STXBP5L: variants seen among roughly 807,000 people sequenced by gnomAD.
STXBP5L encodes syntaxin-binding protein 5-like.
STXBP5L carries 65 observed loss-of-function variants against 144.5 expected under a neutral mutation model. The ratio of observed to expected loss-of-function variants is 0.45; its 90% confidence interval spans 0.37 to 0.55. The LOEUF (loss-of-function observed/expected upper bound fraction) is 0.55. STXBP5L is among the 20% of genes least tolerant of loss of function. The pLI is 0.00. For synonymous variants in STXBP5L, 505 were observed against 469.6 expected (o/e 1.08, Z -0.97); for missense variants, 1,298 against 1,405.5 (o/e 0.92, Z 1.22).
intron 6 of STXBP5L, among the ~76,000 whole-genome samples, chr3:121,119,085 C>T (rs1378531782): frequency 6.6e-6 from 1 of 151,382 alleles, no homozygotes; most frequent in Non-Finnish European, 1.5e-5. Flanking sequence ...AGCCATTGAA[C>T]TAATTATGAC....
At chr3:120,942,352 A>G (rs1710609521) in intron 2 of STXBP5L, among the ~76,000 whole-genome samples, 1 of 151,642 alleles carries the variant, frequency 6.6e-6, no homozygotes, top group Non-Finnish European at 1.5e-5. Flanking sequence ...TAATTTCTGT[A>G]GTATTCAATA....
Position 121,238,958 on chromosome 3 carries a change from C to G in STXBP5L, c.1185-13C>G, listed in dbSNP as rs144975344. ...TTGTAAAATAACACTGATATATTGT[C>G]TTTATCTATTAGTTTTCCAATCTTT... On this transcript the variant is annotated splice_polypyrimidine_tract_variant and intron_variant, in intron 12 of 26. Transcript: ENST00000471454. The G allele has an allele frequency of 7.8e-4, 1,218 of 1,555,102 alleles. 14 individuals carry two copies. In the African/African-American group the frequency reaches 0.014, roughly 18 times the overall value.
At chr3:121,296,140 TA>T (rs2051640349) in intron 19 of STXBP5L, among the ~76,000 whole-genome samples, 2 of 152,206 alleles carry the variant, frequency 1.3e-5, no homozygotes, top group South Asian at 4.1e-4. Flanking sequence ...TGAATCACTG[TA>T]AAAACCTTCA....
chr3:121,211,987 T>C (rs1016712138), intron 10 of STXBP5L, among the ~76,000 whole-genome samples: 23 of 152,296 alleles, frequency 1.5e-4, no homozygotes, highest in Non-Finnish European at 2.5e-4. Context: ...CTTTTTTTCA[T>C]GTTTTTTGGC....
In STXBP5L at chr3:120,999,202, G is replaced by T. The variant is rs143319525; in HGVS notation, c.288-42498G>T. ...CGAGTAGCTGGGACTACAGGCATAT[G>T]CTACCACGTTCAGCTAATTTTTGTA... On this transcript the variant is annotated intron_variant, in intron 3 of 26. Coordinates refer to ENST00000471454, the MANE Select transcript of STXBP5L (RefSeq NM_001308330.2). Among the ~76,000 whole-genome samples, 570 of 152,120 alleles carry T rather than the reference G, an allele frequency of 3.7e-3. 7 individuals carry two copies. The highest frequency in any genetic ancestry group is 8.3e-3 in the African/African-American group (343 of 41,496).
chr3:121,180,983 G>A (rs565439604), intron 9 of STXBP5L, among the ~76,000 whole-genome samples: 2 of 151,460 alleles, frequency 1.3e-5, no homozygotes, highest in Admixed American at 6.6e-5. Context: ...AAGGGGAGGG[G>A]AGAAGGAAAG....
At chr3:121,298,568 T>A (rs1205739224) in intron 19 of STXBP5L, among the ~76,000 whole-genome samples, 1 of 152,154 alleles carries the variant, frequency 6.6e-6, no homozygotes, top group Non-Finnish European at 1.5e-5. Flanking sequence ...TACAATGGAA[T>A]ATTAGCCTTA....
intron 5 of STXBP5L, among the ~76,000 whole-genome samples, chr3:121,084,531 G>A (rs1012535390): frequency 3.3e-5 from 5 of 152,086 alleles, no homozygotes; most frequent in Non-Finnish European, 5.9e-5. Context: ...TGCAAAGGAC[G>A]TGATCTCATT....
chr3:121,041,107 TCTTA>T (rs1421099767), intron 3 of STXBP5L, among the ~76,000 whole-genome samples: 1 of 151,950 alleles, frequency 6.6e-6, no homozygotes, highest in Non-Finnish European at 1.5e-5. Context: ...TTTCTCTCTC[TCTTA>T]CTTATATGTT....
intron 5 of STXBP5L, among the ~76,000 whole-genome samples, chr3:121,113,304 TC>T (rs1259012283): frequency 6.6e-6 from 1 of 152,204 alleles, no homozygotes; most frequent in Admixed American, 6.5e-5. Context: ...ATGATCTTAG[TC>T]CTCTTTAAAG....
chr3:121,353,923 C>T (rs1292816443), intron 20 of STXBP5L, among the ~76,000 whole-genome samples: 2 of 152,120 alleles, frequency 1.3e-5, no homozygotes, highest in African/African-American at 2.4e-5. Flanking sequence ...TTATTTCTGC[C>T]TTCAATTCGT....
At chr3:120,958,819 G>T (rs1938365990) in intron 3 of STXBP5L, among the ~76,000 whole-genome samples, 1 of 152,136 alleles carries the variant, frequency 6.6e-6, no homozygotes, top group Non-Finnish European at 1.5e-5. Context: ...GCAAAAACTG[G>T]AAGCATTCCC....
intron 25 of STXBP5L, among the ~76,000 whole-genome samples, chr3:121,416,948 C>G (rs35956862): frequency 1.3e-5 from 2 of 152,124 alleles, no homozygotes; most frequent in East Asian, 3.8e-4. Flanking sequence ...GCAAAAACAT[C>G]TAGGTTCCTT....
At chr3:121,064,260 C>A (rs2041432368) in intron 5 of STXBP5L, among the ~76,000 whole-genome samples, 1 of 152,178 alleles carries the variant, frequency 6.6e-6, no homozygotes, top group Admixed American at 6.5e-5. Context: ...CTGGGTGAGG[C>A]AACGCCCCAC....
intron 20 of STXBP5L, among the ~76,000 whole-genome samples, chr3:121,349,605 G>T (rs751869519): frequency 2.0e-5 from 3 of 151,992 alleles, no homozygotes; most frequent in Non-Finnish European, 4.4e-5. Flanking sequence ...TCTCTTTGTA[G>T]GTCTCTAAGG....
chr3:120,946,960 A>G (rs1710892173), intron 2 of STXBP5L, among the ~76,000 whole-genome samples: 1 of 151,784 alleles, frequency 6.6e-6, no homozygotes, highest in Admixed American at 6.6e-5. Flanking sequence ...AACTCAGGGT[A>G]GTATGACTAG....
intron 5 of STXBP5L, among the ~76,000 whole-genome samples, chr3:121,056,566 A>G (rs1174256226): frequency 6.6e-6 from 1 of 152,114 alleles, no homozygotes; most frequent in East Asian, 1.9e-4. Flanking sequence ...CCACATTTAA[A>G]ATATTTTATA....
chr3:121,114,831 T>C, intron 5 of STXBP5L, 94 bp from the exon 6 acceptor site: 2 of 752,238 alleles, frequency 2.7e-6, no homozygotes, highest in Non-Finnish European at 4.0e-6. Context: ...TTTTATTATT[T>C]ATATAGCTAT....
intron 3 of STXBP5L, among the ~76,000 whole-genome samples, chr3:120,985,612 C>T (rs934759183): frequency 1.3e-4 from 20 of 151,616 alleles, no homozygotes; most frequent in African/African-American, 4.8e-4. Context: ...TGTTGTAGGT[C>T]TATTCAGATT....
Sources: gnomAD v4.1 joint callset for allele counts (sites outside exome capture counted in the v4.1 genomes callset) on GRCh38, gnomAD v4.1.1 for gene constraint, MANE v1.5 for transcripts, NCBI Gene and HGNC (gene_info 2026-07-23, HGNC 2026-07-21) for gene names.